The following STX8 variants were observed in gnomAD, a reference collection of about 807,000 sequenced individuals.
STX8 encodes the protein syntaxin-8.
STX8 carries 23 observed loss-of-function variants against 37.5 expected under a neutral mutation model. The observed-to-expected ratio is 0.61, with a 90% confidence interval of 0.44 to 0.87. STX8 has a LOEUF of 0.87. STX8 is among the 40% of genes least tolerant of loss of function. The pLI is 0.00. For missense variants in STX8, 313 were observed against 284.7 expected, an observed-to-expected ratio of 1.10 and a Z score of -0.71; for synonymous variants, 115 against 99.1, an observed-to-expected ratio of 1.16 and a Z score of -0.95.
intron 6 of STX8, among the ~76,000 whole-genome samples, chr17:9,391,099 T>C (rs1421002362): frequency 1.3e-5 from 2 of 151,868 alleles, no homozygotes; most frequent in Non-Finnish European, 2.9e-5. Flanking sequence ...TATTAGGAGA[T>C]AGATTAGGAA....
chr17:9,574,236 A>G (rs981759116), intron 1 of STX8, among the ~76,000 whole-genome samples: 8 of 150,558 alleles, frequency 5.3e-5, no homozygotes, highest in African/African-American at 2.0e-4. Flanking sequence ...GCGCCATTGC[A>G]CTCCAGCCTG....
At chr17:9,370,640 G>C (rs1911373951) in intron 7 of STX8, among the ~76,000 whole-genome samples, 2 of 152,144 alleles carry the variant, frequency 1.3e-5, no homozygotes, top group Admixed American at 1.3e-4. Flanking sequence ...CAATAAACGT[G>C]CTTAGACAAC....
intron 4 of STX8, among the ~76,000 whole-genome samples, chr17:9,521,274 A>G (rs538548974): frequency 4.6e-4 from 70 of 152,324 alleles, no homozygotes; most frequent in Admixed American, 4.3e-3. Flanking sequence ...GGGAAGTGAC[A>G]AGAGGGAACA....
chr17:9,267,092 G>A (rs991909977), intron 7 of STX8, among the ~76,000 whole-genome samples: 1 of 152,178 alleles, frequency 6.6e-6, no homozygotes, highest in Non-Finnish European at 1.5e-5. Context: ...AAGGGTGAAC[G>A]CGTGTGTGAG....
intron 4 of STX8, among the ~76,000 whole-genome samples, chr17:9,510,680 A>C (rs1904995267): frequency 6.6e-6 from 1 of 152,104 alleles, no homozygotes; most frequent in Non-Finnish European, 1.5e-5. Context: ...GAAAGATTTC[A>C]AATACCCTAA....
intron 6 of STX8, among the ~76,000 whole-genome samples, chr17:9,428,650 T>C (rs1457879253): frequency 6.6e-6 from 1 of 152,212 alleles, no homozygotes; most frequent in Non-Finnish European, 1.5e-5. Flanking sequence ...TCTGTAATTA[T>C]GAAAAAGTAA....
intron 7 of STX8, among the ~76,000 whole-genome samples, chr17:9,323,762 T>C (rs1190457030): frequency 6.6e-6 from 1 of 152,196 alleles, no homozygotes; most frequent in Non-Finnish European, 1.5e-5. Flanking sequence ...CCTGAGCGTC[T>C]TGCTGATAGA....
chr17:9,339,858 G>A (rs1317425779), intron 7 of STX8, among the ~76,000 whole-genome samples: 3 of 152,182 alleles, frequency 2.0e-5, no homozygotes, highest in African/African-American at 4.8e-5. Context: ...AAAGCGCCAT[G>A]GATACTGCTT....
chr17:9,313,393 A>G (rs768483120), intron 7 of STX8, among the ~76,000 whole-genome samples: 1 of 152,194 alleles, frequency 6.6e-6, no homozygotes, highest in Non-Finnish European at 1.5e-5. Context: ...CAGGACAAGC[A>G]GAAAACCCAA....
intron 6 of STX8, among the ~76,000 whole-genome samples, chr17:9,459,490 C>T (rs771989747): frequency 6.6e-6 from 1 of 152,184 alleles, no homozygotes; most frequent in African/African-American, 2.4e-5. Flanking sequence ...GTACCACAGA[C>T]GGGAAGCTCA....
intron 7 of STX8, among the ~76,000 whole-genome samples, chr17:9,342,936 G>A (rs972030503): frequency 2.7e-5 from 4 of 150,412 alleles, no homozygotes; most frequent in African/African-American, 7.4e-5. Flanking sequence ...CAGGAGAATC[G>A]CCTGAACCCG....
chr17:9,330,343 G>C lies in STX8; in HGVS notation c.643+48209C>G, dbSNP rs548225989. Among the ~76,000 whole-genome samples the C allele has an allele frequency of 2.8e-3, 424 of 152,266 alleles. 4 individuals are homozygous for C. The highest frequency in any genetic ancestry group is 9.5e-3 in the African/African-American group (394 of 41,550). ...TTATTCTCAAGGTTACAAGAACAGC[G>C]ACCAAGGCAAAATTAGGCCCTGGCC... On this transcript the variant is annotated intron_variant, in intron 7 of 7. Transcript: ENST00000306357.
At chr17:9,259,494 CAGAG>C (rs1156276553) in intron 7 of STX8, among the ~76,000 whole-genome samples, 2 of 152,144 alleles carry the variant, frequency 1.3e-5, no homozygotes, top group Non-Finnish European at 2.9e-5. Flanking sequence ...AGTGTAGAAA[CAGAG>C]GGAGCAATTC....
At chr17:9,320,984 T>C (rs547775360) in intron 7 of STX8, among the ~76,000 whole-genome samples, 20 of 141,216 alleles carry the variant, frequency 1.4e-4, no homozygotes, top group African/African-American at 5.3e-4. Context: ...TAAATTGGAG[T>C]GCAAACGTTA....
intron 4 of STX8, among the ~76,000 whole-genome samples, chr17:9,512,530 T>C (rs562672130): frequency 7.8e-4 from 118 of 152,230 alleles, no homozygotes; most frequent in Non-Finnish European, 1.6e-3. Flanking sequence ...TGATGCAATC[T>C]TGAGTCACTG....
chr17:9,314,340 T>A (rs1379581369), intron 7 of STX8, among the ~76,000 whole-genome samples: 1 of 152,214 alleles, frequency 6.6e-6, no homozygotes, highest in African/African-American at 2.4e-5. Context: ...GCTATACTTA[T>A]ACTACAGACT....
chr17:9,403,025 A>G (rs2142322013), intron 6 of STX8, among the ~76,000 whole-genome samples: 1 of 152,326 alleles, frequency 6.6e-6, no homozygotes, highest in East Asian at 1.9e-4. Context: ...TCACAAACCC[A>G]TCATATAGAG....
chr17:9,282,408 A>G (rs745523673), intron 7 of STX8, among the ~76,000 whole-genome samples: 5 of 152,238 alleles, frequency 3.3e-5, no homozygotes, highest in Non-Finnish European at 5.9e-5. Flanking sequence ...TGCTGGGATT[A>G]CAGGCGTGAG....
intron 7 of STX8, among the ~76,000 whole-genome samples, chr17:9,342,491 T>C (rs1322890671): frequency 6.6e-6 from 1 of 152,112 alleles, no homozygotes; most frequent in Admixed American, 6.6e-5. Flanking sequence ...TGAGGGGCAG[T>C]AGGCACTGGA....
Sources: allele counts gnomAD v4.1 joint callset (sites outside exome capture counted in the v4.1 genomes callset), GRCh38; gene constraint gnomAD v4.1.1; transcripts MANE v1.5; gene names NCBI Gene and HGNC (gene_info 2026-07-23, HGNC 2026-07-21).